The following LAMB4 variants were observed in gnomAD, a reference collection of about 807,000 sequenced individuals.
The protein encoded by LAMB4 is laminin subunit beta 4.
Under a neutral mutation model 199.2 loss-of-function variants are expected in LAMB4, and 196 were observed. The ratio of observed to expected loss-of-function variants is 0.98; its 90% CI spans 0.88 to 1.11. The LOEUF (loss-of-function observed/expected upper bound fraction) is 1.11. LAMB4 is among the 50% of genes least tolerant of loss of function. LAMB4 has a pLI of 0.00. For synonymous variants in LAMB4, 744 were observed against 770.6 expected, an observed-to-expected ratio of 0.97 and a Z score of 0.57; for missense variants, 2,080 against 2,171.2, an observed-to-expected ratio of 0.96 and a Z score of 0.83.
downstream of LAMB4, among the ~76,000 whole-genome samples, chr7:108,022,963 C>G (rs548447524): frequency 6.1e-4 from 93 of 152,162 alleles, no homozygotes; most frequent in African/African-American, 2.2e-3. Flanking sequence ...AAGCGTGCAC[C>G]ACCATGCCCA....
Position 108,091,661 on chromosome 7 carries a change from C to T in LAMB4, c.1666G>A (p.Glu556Lys). ...AGTCCTTGGAGTGTTGTGGCTTCCT[C>T]TGCCTCGTAGAGATAGAAATTCAAA... ...APLNFYLYEA[E>K]EATTLQGLAP... Residue 556 changes from glutamate to lysine, a missense_variant, in exon 14 of 34, where the codon GAG (glutamate) becomes AAG (lysine). Coordinates refer to ENST00000388781, the MANE Select transcript of LAMB4 (RefSeq NM_007356.3). The T allele has an allele frequency of 6.2e-7, 1 of 1,614,152 alleles. No individual in the cohort carries two copies. Among genetic ancestry groups the T allele is most frequent in the South Asian group, 1.1e-5 (1 of 91,076 alleles).
chr7:108,012,640 G>A, the LAMB4 span, among the ~76,000 whole-genome samples: 2 of 152,164 alleles, frequency 1.3e-5, no homozygotes, highest in African/African-American at 2.4e-5. Context: ...TTGGGATCAT[G>A]GTGACTTACA....
At chr7:108,111,673 G>A in intron 4 of LAMB4, 138 bp downstream of exon 4, 1 of 647,882 alleles carries the variant, frequency 1.5e-6, no homozygotes, top group Non-Finnish European at 2.6e-6. Flanking sequence ...ATTCTTATAT[G>A]GGTCTCTACA....
chr7:108,110,311 G>C (rs963335784), intron 4 of LAMB4, among the ~76,000 whole-genome samples: 1 of 152,166 alleles, frequency 6.6e-6, no homozygotes, highest in Non-Finnish European at 1.5e-5. Context: ...TTACAGGTGT[G>C]AGCCACTGCA....
chr7:108,020,625 G>A (rs1324733465), downstream of LAMB4, among the ~76,000 whole-genome samples: 2 of 152,078 alleles, frequency 1.3e-5, no homozygotes, highest in Admixed American at 1.3e-4. Context: ...ATGGGAGGCA[G>A]AGCTGTGCCT....
chr7:108,085,538 A>T (rs914343146), intron 14 of LAMB4, among the ~76,000 whole-genome samples: 1 of 152,186 alleles, frequency 6.6e-6, no homozygotes, highest in African/African-American at 2.4e-5. Context: ...TTTATATGTT[A>T]GTACTTTCAA....
intron 1 of LAMB4, 36 bp from the exon 2 acceptor site, chr7:108,123,233 G>T: frequency 7.7e-7 from 1 of 1,300,048 alleles, no homozygotes; most frequent in South Asian, 1.3e-5. Context: ...ATCACTGATA[G>T]AAGAAATAAT....
chr7:108,111,041 T>C (rs899231732), intron 4 of LAMB4, among the ~76,000 whole-genome samples: 3 of 152,140 alleles, frequency 2.0e-5, no homozygotes, highest in African/African-American at 7.2e-5. Flanking sequence ...CACATAGCAA[T>C]GTAGTGAATG....
intron 28 of LAMB4, among the ~76,000 whole-genome samples, chr7:108,047,330 C>T (rs1308465940): frequency 6.6e-6 from 1 of 152,080 alleles, no homozygotes; most frequent in East Asian, 1.9e-4. Flanking sequence ...CCACCCCTGC[C>T]ATCTCTGAGA....
intron 11 of LAMB4, among the ~76,000 whole-genome samples, 173 bp from the exon 12 acceptor site, chr7:108,095,510 G>A (rs1329220290): frequency 2.0e-5 from 3 of 152,220 alleles, no homozygotes; most frequent in African/African-American, 7.2e-5. Flanking sequence ...TAACCTCACA[G>A]AGGAAATCCT....
chr7:108,123,108 A>C, intron 2 of LAMB4, 23 bp downstream of exon 2: 6 of 1,597,516 alleles, frequency 3.8e-6, no homozygotes, highest in Non-Finnish European at 5.1e-6. Context: ...AGCAGTAAAT[A>C]GATTTTGACA....
At chr7:108,087,437 C>T (rs2037226045) in intron 14 of LAMB4, among the ~76,000 whole-genome samples, 1 of 152,044 alleles carries the variant, frequency 6.6e-6, no homozygotes, top group South Asian at 2.1e-4. Context: ...CACAGGAAGG[C>T]TCAGTAAAAA....
At chr7:108,041,362 G>T (rs1250073210) in intron 29 of LAMB4, among the ~76,000 whole-genome samples, 1 of 152,118 alleles carries the variant, frequency 6.6e-6, no homozygotes, top group Non-Finnish European at 1.5e-5. Context: ...CCTAAAAAAA[G>T]ATTACAATTT....
At chr7:108,078,148 G>C in intron 16 of LAMB4, 53 bp downstream of exon 16, 1 of 1,209,398 alleles carries the variant, frequency 8.3e-7, no homozygotes, top group Non-Finnish European at 1.2e-6. Context: ...TTACTGATAA[G>C]TGAACAAAAT....
chr7:108,095,444 A>T, intron 11 of LAMB4, 107 bp from the exon 12 acceptor site: 1 of 777,218 alleles, frequency 1.3e-6, no homozygotes, highest in Non-Finnish European at 2.1e-6. Context: ...GAACACAGAG[A>T]AGCCTGCCCT....
chr7:108,077,264 C>T (rs1164516278), intron 16 of LAMB4, among the ~76,000 whole-genome samples, 200 bp from the exon 17 acceptor site: 1 of 152,102 alleles, frequency 6.6e-6, no homozygotes, highest in Non-Finnish European at 1.5e-5. Context: ...GGCTCTTCCA[C>T]AGGATTGTGC....
At chr7:108,095,567 T>C (rs1245745828) in intron 11 of LAMB4, among the ~76,000 whole-genome samples, 1 of 152,164 alleles carries the variant, frequency 6.6e-6, no homozygotes, top group Non-Finnish European at 1.5e-5. Flanking sequence ...GGATGGCAAT[T>C]AGGAGGAGGA....
chr7:108,085,295 A>G (rs1338513095), intron 14 of LAMB4, among the ~76,000 whole-genome samples: 1 of 152,186 alleles, frequency 6.6e-6, no homozygotes, highest in Non-Finnish European at 1.5e-5. Context: ...TATGACTACA[A>G]ATTGACAATG....
intron 11 of LAMB4, among the ~76,000 whole-genome samples, chr7:108,097,818 G>C (rs2037669440): frequency 6.6e-6 from 1 of 152,172 alleles, no homozygotes; most frequent in Non-Finnish European, 1.5e-5. Context: ...TTTGTATGTA[G>C]AGGTCTAGTG....
Sources: gnomAD v4.1 joint callset for allele counts (sites outside exome capture counted in the v4.1 genomes callset) on GRCh38, gnomAD v4.1.1 for gene constraint, MANE v1.5 for transcripts, NCBI Gene and HGNC (gene_info 2026-07-23, HGNC 2026-07-21) for gene names.